The following LUC7L variants were observed in gnomAD, a reference collection of about 807,000 sequenced individuals.
LUC7L encodes the protein LUC7 like.
A neutral mutation model predicts 51.1 loss-of-function variants in LUC7L; 29 were observed. The ratio of observed to expected loss-of-function variants is 0.57; its 90% CI spans 0.42 to 0.77. LUC7L has a LOEUF of 0.77. Among genes scored for constraint, LUC7L ranks in the 30% least tolerant of loss-of-function variants. LUC7L has a pLI of 0.00. For synonymous variants in LUC7L, 181 were observed against 180.7 expected, an observed-to-expected ratio of 1.00 and a Z score of -0.01; for missense variants, 403 against 511.9, an observed-to-expected ratio of 0.79 and a Z score of 2.05.
At chr16:189,612 A>T in intron 9 of LUC7L, 1 of 1,336,818 alleles carries the variant, frequency 7.5e-7, no homozygotes, top group Non-Finnish European at 9.6e-7. Flanking sequence ...ACAGAACATG[A>T]CACTACGTAA....
chr16:229,405 T>C lies in LUC7L; in HGVS notation c.-66A>G. On this transcript the variant is annotated 5_prime_UTR_variant, in exon 1 of 10. Transcript: ENST00000293872. ...TCTCAGGCAGGCGGTGGCAGCGGCG[T>C]CGACAAACGATGGTCGCGTCGGCCT... 7.3e-7 allele frequency: 1 copy of C among 1,373,872 alleles called. No homozygotes were observed. Among genetic ancestry groups the C allele is most frequent in the Non-Finnish European group, 9.6e-7 (1 of 1,041,924 alleles). 85.1% of individuals were successfully genotyped at this position (1,373,872 alleles called of 1,614,324 possible).
At chr16:193,123 T>C (rs1025813509) in intron 6 of LUC7L, 108 bp from the exon 7 acceptor site, 12 of 866,786 alleles carry the variant, frequency 1.4e-5, no homozygotes, top group Middle Eastern at 2.8e-4. Context: ...AATTTAAAAA[T>C]TGAAGGGACA....
At chr16:197,281 TC>T (rs1353294067) in intron 6 of LUC7L, among the ~76,000 whole-genome samples, 3 of 149,430 alleles carry the variant, frequency 2.0e-5, no homozygotes, top group African/African-American at 5.0e-5. Context: ...TGGCACAATT[TC>T]AGCTCACTGC....
At chr16:223,816 C>A (rs1227246438) in intron 2 of LUC7L, among the ~76,000 whole-genome samples, 2 of 151,882 alleles carry the variant, frequency 1.3e-5, no homozygotes, top group Non-Finnish European at 2.9e-5. Flanking sequence ...ACTACAGGGG[C>A]ACGCCACCAC....
At chr16:217,411 A>G (rs536343738) in intron 3 of LUC7L, among the ~76,000 whole-genome samples, 1 of 152,228 alleles carries the variant, frequency 6.6e-6, no homozygotes, top group Middle Eastern at 3.4e-3. Flanking sequence ...TAGCCACAAC[A>G]AATTTTTTAA....
intron 2 of LUC7L, 93 bp downstream of exon 2, chr16:227,149 T>A: frequency 2.0e-6 from 2 of 1,016,526 alleles, no homozygotes; most frequent in Non-Finnish European, 3.0e-6. Flanking sequence ...AAAAGAGACT[T>A]AAGTTAAAAC....
At chr16:194,093 G>A (rs1471103137) in intron 6 of LUC7L, among the ~76,000 whole-genome samples, 4 of 149,878 alleles carry the variant, frequency 2.7e-5, no homozygotes, top group South Asian at 4.2e-4. Flanking sequence ...ATGAGCCACC[G>A]CGCTTGGCCA....
At chr16:199,599 C>T (rs1174239799) in intron 5 of LUC7L, among the ~76,000 whole-genome samples, 1 of 151,786 alleles carries the variant, frequency 6.6e-6, no homozygotes, top group African/African-American at 2.4e-5. Flanking sequence ...TGGAGAAACC[C>T]CATCTCTATT....
intron 3 of LUC7L, 141 bp downstream of exon 3, chr16:220,508 T>C: frequency 1.5e-6 from 1 of 678,772 alleles, no homozygotes; most frequent in Non-Finnish European, 2.6e-6. Context: ...CTGGCTGTAT[T>C]CTAGCTCTGA....
At chr16:197,865 T>C (rs991387686) in intron 6 of LUC7L, among the ~76,000 whole-genome samples, 6 of 152,180 alleles carry the variant, frequency 3.9e-5, no homozygotes, top group African/African-American at 1.4e-4. Context: ...CCCACCATCC[T>C]ATCCTGAGGT....
chr16:208,254 T>G, intron 3 of LUC7L, 66 bp from the exon 4 acceptor site: 1 of 1,201,684 alleles, frequency 8.3e-7, no homozygotes. Context: ...AGAACCCATT[T>G]GCTTGATAGG....
At chr16:207,085 G>A (rs1332771390) in intron 4 of LUC7L, among the ~76,000 whole-genome samples, 1 of 151,652 alleles carries the variant, frequency 6.6e-6, no homozygotes, top group Non-Finnish European at 1.5e-5. Flanking sequence ...TGTAGTCCCA[G>A]CTACTCAGGA....
At chr16:210,308 T>G (rs1290644945) in intron 3 of LUC7L, among the ~76,000 whole-genome samples, 1 of 152,088 alleles carries the variant, frequency 6.6e-6, no homozygotes, top group Non-Finnish European at 1.5e-5. Flanking sequence ...ATAAACTGCT[T>G]CTTGTTGGTC....
intron 4 of LUC7L, among the ~76,000 whole-genome samples, chr16:206,830 G>A (rs536127789): frequency 9.9e-5 from 15 of 150,924 alleles, no homozygotes; most frequent in South Asian, 4.2e-4. Context: ...AGGACAAGGC[G>A]GGAGGATTGC....
At chr16:229,151 G>A in intron 1 of LUC7L, 128 bp downstream of exon 1, 1 of 1,426,518 alleles carries the variant, frequency 7.0e-7, no homozygotes, top group Non-Finnish European at 9.1e-7. Context: ...CGGTCGGAGC[G>A]CGGGGGAGGA....
At position 189,022 on chromosome 16, in the gene LUC7L, C is replaced by A. The variant is rs907336226; in HGVS notation, c.*176G>T. The A allele has an allele frequency of 1.5e-5, 10 of 672,586 alleles. No homozygotes were observed. In the African/African-American group the frequency reaches 1.6e-4, roughly 11 times the overall value. The allele number at this position is 672,586 out of a possible 1,614,324, so 41.7% of individuals were successfully genotyped here. On this transcript the variant is annotated 3_prime_UTR_variant, in exon 10 of 10. Transcript: ENST00000293872. ...GCAGCATCAGATTTATTTATTCCTA[C>A]TCAACATGACCCGGGAACACAGGAG...
intron 3 of LUC7L, chr16:208,595 AC>A: frequency 2.0e-6 from 2 of 1,010,064 alleles, no homozygotes; most frequent in South Asian, 7.9e-5. Context: ...CATATGATGT[AC>A]TCACTGGTCT....
At chr16:227,977 C>G (rs1337094087) in intron 1 of LUC7L, 1 of 1,058,836 alleles carries the variant, frequency 9.4e-7, no homozygotes, top group Non-Finnish European at 1.1e-6. Context: ...AGCTCCAACA[C>G]ATACTGTACC....
intron 2 of LUC7L, among the ~76,000 whole-genome samples, chr16:225,555 C>T (rs1486435396): frequency 5.0e-5 from 7 of 139,802 alleles, no homozygotes; most frequent in East Asian, 2.2e-4. Context: ...GGCTCGATCT[C>T]GGCTCACCAC....
Sources: gnomAD v4.1 joint callset for allele counts (sites outside exome capture counted in the v4.1 genomes callset) on GRCh38, gnomAD v4.1.1 for gene constraint, MANE v1.5 for transcripts, NCBI Gene and HGNC (gene_info 2026-07-23, HGNC 2026-07-21) for gene names.